The following ZNF385D variants were observed in gnomAD, a reference collection of about 807,000 sequenced individuals.
The protein encoded by ZNF385D is zinc finger protein 659.
ZNF385D carries 15 observed loss-of-function variants against 35.8 expected under a neutral mutation model. The observed-to-expected ratio is 0.42, with a 90% CI of 0.28 to 0.64. The LOEUF is 0.64. ZNF385D is among the 30% of genes least tolerant of loss of function. The pLI, the probability that ZNF385D is intolerant of heterozygous loss-of-function variation, is 0.23. For missense variants in ZNF385D, 474 were observed against 494.6 expected (o/e 0.96, Z 0.39); for synonymous variants, 212 against 186.8 (o/e 1.13, Z -1.10).
chr3:21,719,566 G>C (rs943420434), intron 1 of ZNF385D, among the ~76,000 whole-genome samples: 3 of 152,186 alleles, frequency 2.0e-5, no homozygotes, highest in African/African-American at 7.2e-5. Context: ...CCTGGGTAGA[G>C]ATTTAAGATG....
chr3:22,191,400 T>C (rs555988338), intron 2 of ZNF385D, among the ~76,000 whole-genome samples: 8 of 151,684 alleles, frequency 5.3e-5, no homozygotes, highest in South Asian at 2.1e-4. Context: ...GGCAGAAGAA[T>C]TGTTTGAACC....
At chr3:22,217,833 A>G (rs892309105) in intron 2 of ZNF385D, among the ~76,000 whole-genome samples, 6 of 152,074 alleles carry the variant, frequency 3.9e-5, no homozygotes, top group East Asian at 3.9e-4. Flanking sequence ...TACCTGTACA[A>G]TATTTCCTGA....
intron 3 of ZNF385D, among the ~76,000 whole-genome samples, chr3:22,021,305 ATACTT>A (rs1245848536): frequency 8.5e-5 from 13 of 152,076 alleles, no homozygotes; most frequent in Non-Finnish European, 1.6e-4. Flanking sequence ...CTAAATGTTG[ATACTT>A]CAAACCTCAA....
At chr3:21,561,963 C>G (rs1192893418) in intron 3 of ZNF385D, 1 of 152,166 alleles carries the variant, frequency 6.6e-6, no homozygotes, top group African/African-American at 2.4e-5. Flanking sequence ...TTTATTTTAG[C>G]AGCAATAGAA....
rs190097424 is a variant in ZNF385D, at chr3:21,749,782, T to C, written c.22+1113A>G. On this transcript the variant is annotated intron_variant, in intron 1 of 7. Transcript: ENST00000281523. ...GAACTTAGATTCCTTCCACACACTC[T>C]CAAGTGTCTCAAAGCCTAAAGGAAA... is the stretch of plus-strand genomic sequence containing the variant. Among the ~76,000 whole-genome samples, 87 of 152,314 alleles carry C rather than the reference T, an allele frequency of 5.7e-4. 1 individual carries two copies. The highest frequency in any genetic ancestry group is 2.0e-3 in the African/African-American group (84 of 41,568).
At chr3:22,044,948 A>T (rs1698894536) in intron 3 of ZNF385D, among the ~76,000 whole-genome samples, 1 of 152,090 alleles carries the variant, frequency 6.6e-6, no homozygotes, top group African/African-American at 2.4e-5. Context: ...AGGTACATAA[A>T]AAAAGACTGA....
intron 2 of ZNF385D, among the ~76,000 whole-genome samples, chr3:22,302,792 ATG>A (rs1702977802): frequency 6.6e-6 from 1 of 151,946 alleles, no homozygotes; most frequent in Admixed American, 6.6e-5. Context: ...AAGGCCTCAC[ATG>A]TCTTTCATTA....
chr3:21,448,969 A>C (rs1702300159), intron 4 of ZNF385D, among the ~76,000 whole-genome samples: 1 of 152,140 alleles, frequency 6.6e-6, no homozygotes, highest in East Asian at 1.9e-4. Context: ...ACATTTAAAA[A>C]AGTCGATCTT....
chr3:21,748,943 G>C (rs1354694880), intron 1 of ZNF385D, among the ~76,000 whole-genome samples: 1 of 152,046 alleles, frequency 6.6e-6, no homozygotes, highest in Non-Finnish European at 1.5e-5. Flanking sequence ...TTTAGAGACA[G>C]GTGGGCTCCC....
At chr3:21,613,859 T>C (rs960503308) in intron 2 of ZNF385D, among the ~76,000 whole-genome samples, 1 of 152,230 alleles carries the variant, frequency 6.6e-6, no homozygotes, top group Non-Finnish European at 1.5e-5. Flanking sequence ...ATTATAAGGT[T>C]GTTTTGTGCA....
At chr3:21,907,520 T>C (rs1277670703) in intron 3 of ZNF385D, among the ~76,000 whole-genome samples, 3 of 152,148 alleles carry the variant, frequency 2.0e-5, no homozygotes, top group African/African-American at 7.2e-5. Context: ...AATTCAGGTA[T>C]TTCCCATTTT....
chr3:21,611,241 T>C (rs189806939), intron 2 of ZNF385D, among the ~76,000 whole-genome samples: 2 of 152,232 alleles, frequency 1.3e-5, no homozygotes, highest in Non-Finnish European at 2.9e-5. Flanking sequence ...ATGGGGTTCA[T>C]GGGAGCCACC....
At chr3:21,631,373 C>A (rs566414544) in intron 2 of ZNF385D, among the ~76,000 whole-genome samples, 66 of 149,100 alleles carry the variant, frequency 4.4e-4, no homozygotes, top group African/African-American at 1.6e-3. Flanking sequence ...GATATGATCA[C>A]AAGAGCAGGC....
chr3:21,845,241 A>G (rs2125795616), intron 3 of ZNF385D, among the ~76,000 whole-genome samples: 1 of 152,030 alleles, frequency 6.6e-6, no homozygotes, highest in East Asian at 1.9e-4. Flanking sequence ...ATTAAACATA[A>G]AGAAGAAAAA....
chr3:21,449,183 G>A (rs999384733), intron 4 of ZNF385D, among the ~76,000 whole-genome samples: 17 of 151,468 alleles, frequency 1.1e-4, no homozygotes, highest in African/African-American at 3.4e-4. Context: ...AATAAAGTAT[G>A]CTAAGAATTA....
chr3:22,096,286 T>C (rs1434794539), intron 3 of ZNF385D, among the ~76,000 whole-genome samples: 1 of 151,914 alleles, frequency 6.6e-6, no homozygotes, highest in Non-Finnish European at 1.5e-5. Flanking sequence ...TACCCAGGTA[T>C]CAAACCTGCA....
At chr3:21,938,696 G>T (rs77214697) in intron 3 of ZNF385D, among the ~76,000 whole-genome samples, 2 of 151,998 alleles carry the variant, frequency 1.3e-5, no homozygotes, top group African/African-American at 2.4e-5. Flanking sequence ...CTTTCTTACC[G>T]TGCTTCATGT....
At chr3:22,099,020 G>C (rs1196484931) in intron 3 of ZNF385D, among the ~76,000 whole-genome samples, 1 of 151,940 alleles carries the variant, frequency 6.6e-6, no homozygotes, top group Non-Finnish European at 1.5e-5. Context: ...ATTTATCATA[G>C]GGATTTCTGT....
intron 3 of ZNF385D, among the ~76,000 whole-genome samples, chr3:21,816,985 C>G (rs878937225): frequency 1.4e-4 from 21 of 152,104 alleles, no homozygotes; most frequent in South Asian, 2.1e-4. Flanking sequence ...CCAAAACAGA[C>G]ATATAGACCA....
Sources: gnomAD v4.1 joint callset for allele counts (sites outside exome capture counted in the v4.1 genomes callset) on GRCh38, gnomAD v4.1.1 for gene constraint, MANE v1.5 for transcripts, NCBI Gene and HGNC (gene_info 2026-07-23, HGNC 2026-07-21) for gene names.